SYNJ2: variants seen among roughly 807,000 people sequenced by gnomAD.
SYNJ2 encodes the protein polyphosphatidylinositol phosphatase SYNJ2.
A neutral mutation model predicts 141.3 loss-of-function variants in SYNJ2; 116 were observed. That is an observed-to-expected ratio of 0.82 (90% CI 0.71 to 0.96). The LOEUF (loss-of-function observed/expected upper bound fraction) is 0.96, where lower values mean the gene tolerates loss of function less well. SYNJ2 is among the 40% of genes least tolerant of loss of function. The pLI, the probability that SYNJ2 is intolerant of heterozygous loss-of-function variation, is 0.00. For missense variants in SYNJ2, 1,873 were observed against 1,934.8 expected, an observed-to-expected ratio of 0.97 and a Z score of 0.60; for synonymous variants, 745 against 777.7, an observed-to-expected ratio of 0.96 and a Z score of 0.70.
At chr6:158,005,334 T>C (rs371338856) in intron 1 of SYNJ2, among the ~76,000 whole-genome samples, 137 of 152,170 alleles carry the variant, frequency 9.0e-4, no homozygotes, top group East Asian at 4.1e-3. Context: ...ACCTTGGCCT[T>C]CCAAAGTGCT....
rs1778530005 is a variant in SYNJ2 at position 158,017,532 on chromosome 6, A to G, written c.214+242A>G. 7.8e-6 allele frequency: 4 copies of G among 515,530 alleles called. No individual in the cohort carries two copies. In the East Asian group the frequency reaches 1.1e-4, roughly 15 times the overall value. 31.9% of individuals were successfully genotyped at this position (515,530 alleles called of 1,614,324 possible). A position where few individuals can be genotyped will look rare whatever the true frequency, so the allele number is the denominator to read the frequency against. On this transcript the variant is annotated intron_variant, in intron 2 of 26. Coordinates refer to ENST00000355585, the MANE Select transcript of SYNJ2 (RefSeq NM_003898.4). ...TGGGTTCAAGCAATTCTCCTGCCTC[A>G]GCCTCCTGAATAGCTGGGACTACAG...
chr6:158,076,471 A>C (rs961382451), intron 16 of SYNJ2, among the ~76,000 whole-genome samples, 155 bp from the exon 17 acceptor site: 4 of 152,242 alleles, frequency 2.6e-5, no homozygotes, highest in African/African-American at 9.6e-5. Flanking sequence ...GCTAATTAAA[A>C]GACACATATG....
At chr6:157,986,766 G>A (rs958414678) in intron 1 of SYNJ2, among the ~76,000 whole-genome samples, 3 of 152,184 alleles carry the variant, frequency 2.0e-5, no homozygotes, top group African/African-American at 7.2e-5. Context: ...CAAAAGTAGA[G>A]GGAAAAATGA....
Position 157,982,101 on chromosome 6 carries a change from C to G in SYNJ2, c.127+13C>G. The G allele has an allele frequency of 7.6e-7, 1 of 1,314,932 alleles. No individual in the cohort carries two copies. Among genetic ancestry groups the G allele is most frequent in the Non-Finnish European group, 9.7e-7 (1 of 1,033,444 alleles). 81.5% of individuals were successfully genotyped at this position (1,314,932 alleles called of 1,614,324 possible). On this transcript the variant is annotated intron_variant, in intron 1 of 26. Transcript: ENST00000355585. The surrounding 1 kb of genome is among the most constrained non-coding windows in gnomAD (Gnocchi z 4.0). ...GTGGCCACGCTGGGTGAGTCCGGGC[C>G]GGGGGCAGCGACGCCCGGAGGAGAG...
In SYNJ2 at chr6:157,992,172, T is replaced by C. The variant is rs559154019; in HGVS notation, c.127+10084T>C. Among the ~76,000 whole-genome samples, 5 of 152,340 alleles carry C rather than the reference T, an allele frequency of 3.3e-5. No individual in the cohort carries two copies. The South Asian group carries it at 1.0e-3, about 32-fold the overall frequency. The stretch of plus-strand genomic sequence containing the variant: ...TATTTTAAAATGTACAGTTAAATTA[T>C]ATAGTCACCATGTTGTGCTATCAAG... On this transcript the variant is annotated intron_variant, in intron 1 of 26. Transcript: ENST00000355585.
intron 2 of SYNJ2, among the ~76,000 whole-genome samples, chr6:158,023,115 A>G (rs1246683137): frequency 2.0e-5 from 3 of 152,224 alleles, no homozygotes; most frequent in Non-Finnish European, 2.9e-5. Flanking sequence ...GCACCATGCC[A>G]GGAGCGGTGG....
At chr6:158,057,004 C>G (rs2128357878) in intron 6 of SYNJ2, among the ~76,000 whole-genome samples, 1 of 150,872 alleles carries the variant, frequency 6.6e-6, no homozygotes, top group Non-Finnish European at 1.5e-5. Context: ...AAGGGCTAAC[C>G]TTTCACAGGG....
rs1209578967 is a variant in SYNJ2 at position 158,089,967 on chromosome 6, C to T, written c.3565+20C>T. ...GAGGAGGTAGGTGCTTTCCTGGGGG[C>T]AGGGGAAAAACCAATTCTCCTTTTC... On this transcript the variant is annotated intron_variant, in intron 25 of 26. Transcript: ENST00000355585. 1.3e-6 allele frequency: 2 copies of T among 1,569,542 alleles called. No homozygotes were observed. The highest frequency in any genetic ancestry group is 3.4e-5 in the Admixed American group (2 of 59,610).
chr6:158,000,224 A>G (rs1777792231), intron 1 of SYNJ2, among the ~76,000 whole-genome samples: 1 of 151,990 alleles, frequency 6.6e-6, no homozygotes, highest in South Asian at 2.1e-4. Context: ...CTTTTGTAAA[A>G]AATAGCATGA....
chr6:158,095,514 C>G (rs1293642349), intron 26 of SYNJ2, 104 bp from the exon 27 acceptor site: 2 of 1,397,460 alleles, frequency 1.4e-6, no homozygotes, highest in East Asian at 4.8e-5. Flanking sequence ...GCTAGAATGT[C>G]AGCTTGGTCT....
chr6:158,003,329 G>C (rs1777930200), intron 1 of SYNJ2, among the ~76,000 whole-genome samples: 1 of 152,230 alleles, frequency 6.6e-6, no homozygotes, highest in Admixed American at 6.5e-5. Context: ...GTTTCAGACA[G>C]ATGTTTTGAT....
chr6:158,090,553 T>TG (rs1285077976), intron 25 of SYNJ2, among the ~76,000 whole-genome samples: 4 of 148,682 alleles, frequency 2.7e-5, no homozygotes, highest in East Asian at 2.0e-4. Context: ...TTTTTTTTTT[T>TG]TTTTTTTTTG....
At chr6:158,068,120 G>C (rs1328914127) in intron 12 of SYNJ2, among the ~76,000 whole-genome samples, 1 of 147,632 alleles carries the variant, frequency 6.8e-6, no homozygotes, top group East Asian at 2.0e-4. Flanking sequence ...ATCAGACAGA[G>C]GGACGGGGAT....
At chr6:158,026,220 G>A (rs575181737) in intron 2 of SYNJ2, among the ~76,000 whole-genome samples, 6 of 152,318 alleles carry the variant, frequency 3.9e-5, no homozygotes, top group African/African-American at 1.2e-4. Flanking sequence ...GCAGGCTGGC[G>A]ACGTCATCTG....
intron 1 of SYNJ2, among the ~76,000 whole-genome samples, chr6:157,996,242 C>G (rs1205973254): frequency 6.6e-6 from 1 of 152,202 alleles, no homozygotes; most frequent in Non-Finnish European, 1.5e-5. Flanking sequence ...CTTCCTCAGC[C>G]TCATCCAACC....
intron 1 of SYNJ2, among the ~76,000 whole-genome samples, chr6:157,993,004 T>C (rs1167836350): frequency 1.3e-5 from 2 of 152,236 alleles, no homozygotes; most frequent in Admixed American, 1.3e-4. Flanking sequence ...CTTTTAGTTT[T>C]TTGAGGAACC....
At chr6:158,035,151 C>T (rs957253617) in intron 4 of SYNJ2, among the ~76,000 whole-genome samples, 1 of 152,152 alleles carries the variant, frequency 6.6e-6, no homozygotes, top group Non-Finnish European at 1.5e-5. Flanking sequence ...TTAGGATTGC[C>T]TTGGCTATTC....
chr6:158,035,451 A>T (rs1315970817), intron 4 of SYNJ2, among the ~76,000 whole-genome samples: 1 of 152,010 alleles, frequency 6.6e-6, no homozygotes, highest in East Asian at 1.9e-4. Flanking sequence ...TGTGAATGGG[A>T]TTGTGTTCCT....
chr6:158,059,530 C>T, intron 7 of SYNJ2, 177 bp downstream of exon 7: 1 of 1,395,116 alleles, frequency 7.2e-7, no homozygotes, highest in Non-Finnish European at 9.3e-7. Flanking sequence ...GACTCGGGCC[C>T]TGATACAGTG....
Sources: gnomAD v4.1 joint callset for allele counts (sites outside exome capture counted in the v4.1 genomes callset) on GRCh38, gnomAD v4.1.1 for gene constraint, Gnocchi (gnomAD v3.1) non-coding constraint, MANE v1.5 for transcripts, NCBI Gene and HGNC (gene_info 2026-07-23, HGNC 2026-07-21) for gene names.